The following ARHGAP32 variants were observed in gnomAD, a reference collection of about 807,000 sequenced individuals.
ARHGAP32 encodes the protein Rho GTPase activating protein 32, also known as rho GTPase-activating protein 32.
Under a neutral mutation model 186.5 loss-of-function variants are expected in ARHGAP32, and 51 were observed. The ratio of observed to expected loss-of-function variants is 0.27; its 90% CI spans 0.22 to 0.35. ARHGAP32 has a LOEUF of 0.35. ARHGAP32 is among the 10% of genes least tolerant of loss of function. ARHGAP32 has a pLI of 1.00. For synonymous variants in ARHGAP32, 950 were observed against 964.3 expected (o/e 0.99, Z 0.27); for missense variants, 2,186 against 2,623.5 (o/e 0.83, Z 3.64).
chr11:129,060,473 T>C (rs1224682944), intron 10 of ARHGAP32, among the ~76,000 whole-genome samples: 1 of 152,202 alleles, frequency 6.6e-6, no homozygotes, highest in Non-Finnish European at 1.5e-5. Flanking sequence ...AATTAATCTT[T>C]TGATCATCTT....
At chr11:129,041,145 A>G in intron 10 of ARHGAP32, 136 bp from the exon 11 acceptor site, 1 of 515,766 alleles carries the variant, frequency 1.9e-6, no homozygotes, top group Non-Finnish European at 3.4e-6. Flanking sequence ...TAAATAACAG[A>G]TGATGCCAAT....
intron 1 of ARHGAP32, among the ~76,000 whole-genome samples, chr11:129,170,404 C>G (rs1206554825): frequency 6.6e-6 from 1 of 152,030 alleles, no homozygotes; most frequent in African/African-American, 2.4e-5. Flanking sequence ...GTGTTCAACT[C>G]CCAATTATGG....
Position 128,974,358 on chromosome 11 carries a change from T to A in ARHGAP32, c.2839A>T (p.Asn947Tyr), listed in dbSNP as rs747361104. ...IGTVSNTTAQNASSSTWDKCV... is the reference protein window; with the variant it reads ...IGTVSNTTAQYASSSTWDKCV... ...TTGTCCCAGGTTGAAGATGATGCAT[T>A]CTGAGCTGTGGTATTTGAGACTGTA... The change falls in exon 21 of 23, where the codon AAT becomes TAT. Residue 947 changes from asparagine (N) to tyrosine (Y), a missense_variant. By Grantham distance (143) the Asn-to-Tyr change is moderately radical. Coordinates refer to ENST00000682385, the MANE Select transcript of ARHGAP32 (RefSeq NM_001378024.1). The A allele has an allele frequency of 6.2e-7, 1 of 1,614,246 alleles. No individual in the cohort carries two copies. The highest frequency in any genetic ancestry group is 1.7e-5 in the Admixed American group (1 of 60,034).
At chr11:128,984,735 C>G (rs551582189) in intron 15 of ARHGAP32, among the ~76,000 whole-genome samples, 1 of 152,022 alleles carries the variant, frequency 6.6e-6, no homozygotes, top group East Asian at 1.9e-4. Flanking sequence ...TATTAGAAGA[C>G]AGGCAAAGTG....
intron 1 of ARHGAP32, among the ~76,000 whole-genome samples, chr11:129,262,070 T>C (rs1945328166): frequency 6.6e-6 from 1 of 152,144 alleles, no homozygotes; most frequent in South Asian, 2.1e-4. Context: ...TACGGAAACC[T>C]GACAAAATGT....
At chr11:129,124,971 G>T (rs1393256649) in intron 2 of ARHGAP32, 77 bp from the exon 3 acceptor site, 1 of 1,095,368 alleles carries the variant, frequency 9.1e-7, no homozygotes, top group Non-Finnish European at 1.3e-6. Context: ...TATAATTTAT[G>T]TTAATAGTTC....
chr11:128,979,718 C>T (rs545775180), intron 18 of ARHGAP32, among the ~76,000 whole-genome samples: 2 of 152,252 alleles, frequency 1.3e-5, no homozygotes, highest in South Asian at 2.1e-4. Context: ...TACTAAAATA[C>T]GGGAAGAACA....
chr11:128,974,713 A>T lies in ARHGAP32; in HGVS notation c.2484T>A (p.Ser828Arg), dbSNP rs765035986. 4 of 1,613,952 alleles carry T rather than the reference A, an allele frequency of 2.5e-6. No homozygotes were observed. The Admixed American group carries it at 5.0e-5, about 20-fold the overall frequency. Residue 828 changes from serine to arginine, a missense_variant, in exon 21 of 23, where the codon AGT becomes AGA. Physicochemically the swap from Ser to Arg is moderately radical, Grantham distance 110 (BLOSUM62 -1). This residue lies in a region of ARHGAP32 where 263 missense variants were observed against 323.5 expected (regional missense o/e 0.81). Coordinates refer to ENST00000682385, the MANE Select transcript of ARHGAP32 (RefSeq NM_001378024.1). ...PPKAESECLE[S>R]GASFLDSPGY... ...CTGGTGAATCTAAAAAGGAAGCACC[A>T]CTCTCCAGACATTCTGATTCGGCCT...
intron 1 of ARHGAP32, among the ~76,000 whole-genome samples, chr11:129,206,275 G>A (rs752807833): frequency 2.6e-5 from 4 of 152,056 alleles, no homozygotes; most frequent in Non-Finnish European, 5.9e-5. Context: ...GCAGCAACAC[G>A]GTCATAACTC....
rs765582809 is a variant in ARHGAP32, at chr11:128,969,524, C to T, written c.5689G>A (p.Ala1897Thr). 6.2e-6 allele frequency: 10 copies of T among 1,614,038 alleles called. No individual in the cohort carries two copies. The highest frequency in any genetic ancestry group is 1.6e-4 in the Middle Eastern group (1 of 6,084). Residue 1897 changes from alanine (A) to threonine (T), a missense_variant, in exon 23 of 23, where the codon GCA becomes ACA. Transcript: ENST00000682385. The surrounding 1 kb of genome is among the most constrained non-coding windows in gnomAD (Gnocchi z 4.8). ...SLPEHRAHQE[A>T]SHRQFCESKN... ...GACTCACAGAACTGCCTATGGCTTG[C>T]TTCTTGGTGTGCCCTGTGCTCAGGA...
At chr11:129,045,579 A>T (rs566353352) in intron 10 of ARHGAP32, among the ~76,000 whole-genome samples, 1 of 152,370 alleles carries the variant, frequency 6.6e-6, no homozygotes, top group Non-Finnish European at 1.5e-5. Flanking sequence ...GAACACTTAT[A>T]CTTTTCTAAT....
intron 1 of ARHGAP32, among the ~76,000 whole-genome samples, chr11:129,178,952 T>C (rs2135526293): frequency 6.6e-6 from 1 of 152,138 alleles, no homozygotes; most frequent in South Asian, 2.1e-4. Context: ...TGGGATCTAA[T>C]TAAACTAAAG....
chr11:129,239,094 C>T (rs149078942), intron 1 of ARHGAP32, among the ~76,000 whole-genome samples: 1 of 152,184 alleles, frequency 6.6e-6, no homozygotes, highest in African/African-American at 2.4e-5. Flanking sequence ...AAGCAATCCT[C>T]CCACCTCAAC....
intron 1 of ARHGAP32, among the ~76,000 whole-genome samples, chr11:129,237,949 T>C (rs919171321): frequency 7.2e-5 from 11 of 152,080 alleles, no homozygotes; most frequent in African/African-American, 2.2e-4. Context: ...ACTAGGGTGG[T>C]AGCAATAGAA....
chr11:129,200,391 C>T (rs753265847), intron 1 of ARHGAP32, among the ~76,000 whole-genome samples: 1 of 152,190 alleles, frequency 6.6e-6, no homozygotes, highest in African/African-American at 2.4e-5. Flanking sequence ...TGGGTGATAA[C>T]TGAATCATGG....
intron 1 of ARHGAP32, among the ~76,000 whole-genome samples, chr11:129,230,799 TA>T (rs1033227663): frequency 6.6e-6 from 1 of 151,992 alleles, no homozygotes; most frequent in Non-Finnish European, 1.5e-5. Flanking sequence ...TAAAAATCCA[TA>T]AAAAAGAGCC....
chr11:129,261,788 C>T (rs966079003), intron 1 of ARHGAP32, among the ~76,000 whole-genome samples: 1 of 152,128 alleles, frequency 6.6e-6, no homozygotes, highest in Non-Finnish European at 1.5e-5. Flanking sequence ...TTAAACATCT[C>T]AGTAAATGAT....
chr11:129,239,300 C>G (rs1409727470), intron 1 of ARHGAP32, among the ~76,000 whole-genome samples: 1 of 152,202 alleles, frequency 6.6e-6, no homozygotes, highest in Non-Finnish European at 1.5e-5. Context: ...AGCACTTACT[C>G]TGTTAGAACA....
At chr11:129,029,888 G>A (rs1258575134) in intron 11 of ARHGAP32, among the ~76,000 whole-genome samples, 1 of 150,058 alleles carries the variant, frequency 6.7e-6, no homozygotes, top group Non-Finnish European at 1.5e-5. Context: ...ACAGGGTTGT[G>A]ACCAGATTCA....
Sources: allele counts gnomAD v4.1 joint callset (sites outside exome capture counted in the v4.1 genomes callset), GRCh38; gene constraint gnomAD v4.1.1; regional missense constraint gnomAD v4.1.1; non-coding constraint Gnocchi (gnomAD v3.1); transcripts MANE v1.5; gene names NCBI Gene and HGNC (gene_info 2026-07-23, HGNC 2026-07-21).